The following MYOCD variants were observed in gnomAD, a reference collection of about 807,000 sequenced individuals.
The protein encoded by MYOCD is myocardin.
MYOCD carries 32 observed loss-of-function variants against 96.1 expected under a neutral mutation model. That is an observed-to-expected ratio of 0.33 (90% confidence interval 0.25 to 0.45). The LOEUF (loss-of-function observed/expected upper bound fraction) is 0.45. MYOCD is among the 20% of genes least tolerant of loss of function. The probability of loss-of-function intolerance (pLI) is 1.00; values close to 1 mark genes in which losing one functional copy is unlikely to be tolerated. For synonymous variants in MYOCD, 469 were observed against 469.0 expected, an observed-to-expected ratio of 1.00 and a Z score of 0.00; for missense variants, 1,133 against 1,200.6, an observed-to-expected ratio of 0.94 and a Z score of 0.83.
At chr17:12,721,021 TA>T (rs760458241) in intron 4 of MYOCD, among the ~76,000 whole-genome samples, 1,327 of 107,544 alleles carry the variant, frequency 0.012, 10 homozygotes, top group African/African-American at 0.035. Flanking sequence ...GACTCTGTCT[TA>T]AAAAAAAAAA....
chr17:12,708,480 G>A (rs1009238017), intron 2 of MYOCD, among the ~76,000 whole-genome samples: 16 of 151,574 alleles, frequency 1.1e-4, no homozygotes, highest in South Asian at 4.2e-4. Flanking sequence ...TGCAACCTCC[G>A]TCTCCCAGGT....
At chr17:12,679,669 C>T (rs1218230359) in intron 1 of MYOCD, among the ~76,000 whole-genome samples, 5 of 151,492 alleles carry the variant, frequency 3.3e-5, no homozygotes, top group East Asian at 1.9e-4. Context: ...ACAGTAACAC[C>T]GAGGGAAAAA....
intron 1 of MYOCD, among the ~76,000 whole-genome samples, chr17:12,687,185 A>T (rs2030166428): frequency 6.6e-6 from 1 of 151,940 alleles, no homozygotes; most frequent in African/African-American, 2.4e-5. Flanking sequence ...TCCGTGTAAG[A>T]TTTTTAGCTA....
At chr17:12,696,253 C>A (rs533880982) in intron 1 of MYOCD, among the ~76,000 whole-genome samples, 1 of 152,176 alleles carries the variant, frequency 6.6e-6, no homozygotes, top group South Asian at 2.1e-4. Flanking sequence ...GCTGGGATTA[C>A]AAGTGTGAGC....
chr17:12,698,113 G>A (rs577885409), intron 1 of MYOCD, among the ~76,000 whole-genome samples: 15 of 152,276 alleles, frequency 9.9e-5, no homozygotes, highest in Admixed American at 1.3e-4. Flanking sequence ...AGGAGCCACC[G>A]CAAGATGCTA....
intron 2 of MYOCD, among the ~76,000 whole-genome samples, chr17:12,708,353 T>C (rs1338657066): frequency 6.6e-6 from 1 of 152,196 alleles, no homozygotes; most frequent in East Asian, 1.9e-4. Context: ...AAACTCAAAG[T>C]TGATGGCCAA....
At chr17:12,715,459 G>A in intron 2 of MYOCD, 60 bp from the exon 3 acceptor site, 2 of 1,471,176 alleles carry the variant, frequency 1.4e-6, no homozygotes, top group Non-Finnish European at 1.9e-6. Flanking sequence ...AGCAAACTCT[G>A]CGATACAGAC....
intron 13 of MYOCD, chr17:12,761,603 A>ACG (rs942061003): frequency 7.1e-6 from 1 of 140,736 alleles, no homozygotes; most frequent in Non-Finnish European, 1.6e-5. Flanking sequence ...ACACACACAC[A>ACG]CACACACACA....
intron 4 of MYOCD, chr17:12,720,249 A>G (rs1006788910): frequency 2.6e-5 from 4 of 152,008 alleles, no homozygotes; most frequent in African/African-American, 9.7e-5. Context: ...ATCCCCTGGG[A>G]CCTATGTAAA....
At chr17:12,694,342 G>A (rs2030633796) in intron 1 of MYOCD, among the ~76,000 whole-genome samples, 1 of 152,126 alleles carries the variant, frequency 6.6e-6, no homozygotes, top group African/African-American at 2.4e-5. Context: ...AGGCCAGTGG[G>A]GCAAGGTTTC....
rs573591978 is a variant in MYOCD at position 12,743,641 on chromosome 17, T to G, written c.718-542T>G. On this transcript the variant is annotated intron_variant, in intron 7 of 13. Coordinates refer to ENST00000425538, the MANE Select transcript of MYOCD (RefSeq NM_001146312.3). ...CCGAGTAGCTGGGATTACAGGCGCCTGACACCACACCTGGCTACTTTTTGT... is the reference window on the plus strand; with the variant it reads ...CCGAGTAGCTGGGATTACAGGCGCCGGACACCACACCTGGCTACTTTTTGT... 2.6e-5 allele frequency among the ~76,000 whole-genome samples: 4 copies of G among 152,010 alleles called. No homozygotes were observed. In the East Asian group the frequency reaches 5.8e-4, roughly 22 times the overall value.
At chr17:12,725,490 A>G (rs566876521) in intron 5 of MYOCD, among the ~76,000 whole-genome samples, 103 of 148,528 alleles carry the variant, frequency 6.9e-4, no homozygotes, top group African/African-American at 2.2e-3. Flanking sequence ...CAAAATATCT[A>G]TATCATATAG....
In MYOCD at chr17:12,697,212, A is replaced by G. The variant is rs572017570; in HGVS notation, c.56-7916A>G. On this transcript the variant is annotated intron_variant, in intron 1 of 13. Coordinates refer to ENST00000425538, the MANE Select transcript of MYOCD (RefSeq NM_001146312.3). ...TGGAGGGCTCTTGGCACAGCTTTCA[A>G]TTCCTCACTTGCAGATCTTAGAACT... 2.6e-5 allele frequency among the ~76,000 whole-genome samples: 4 copies of G among 151,576 alleles called. No individual in the cohort carries two copies. In the South Asian group the frequency reaches 8.4e-4, roughly 32 times the overall value.
chr17:12,744,374 C>A lies in MYOCD; in HGVS notation c.909C>A (p.Ser303Arg). The change falls in exon 8 of 14, where the codon AGC becomes AGA. Residue 303 changes from serine to arginine, a missense_variant. Ser to Arg is a moderately radical substitution (Grantham distance 110). Coordinates refer to ENST00000425538, the MANE Select transcript of MYOCD (RefSeq NM_001146312.3). ...QQLFLQLQIL[S>R]QQQQQQQHRF... ...TGTTCCTGCAGCTCCAAATCCTCAG[C>A]CAGCAGCAGCAGCAGCAGCAACACC... The A allele has an allele frequency of 6.2e-7, 1 of 1,611,234 alleles. No homozygotes were observed. Among genetic ancestry groups the A allele is most frequent in the Non-Finnish European group, 8.5e-7 (1 of 1,177,714 alleles).
At chr17:12,678,126 C>T (rs534196550) in intron 1 of MYOCD, among the ~76,000 whole-genome samples, 6 of 151,866 alleles carry the variant, frequency 4.0e-5, no homozygotes, top group African/African-American at 9.6e-5. Context: ...CTCCTGACCT[C>T]GTGATTTGCC....
At chr17:12,701,233 G>A (rs900475624) in intron 1 of MYOCD, among the ~76,000 whole-genome samples, 4 of 151,998 alleles carry the variant, frequency 2.6e-5, no homozygotes, top group South Asian at 2.1e-4. Flanking sequence ...CCAACATGGC[G>A]AAACCTCGTC....
chr17:12,673,057 G>C (rs1314686022), intron 1 of MYOCD, among the ~76,000 whole-genome samples: 1 of 152,036 alleles, frequency 6.6e-6, no homozygotes, highest in Non-Finnish European at 1.5e-5. Flanking sequence ...TTTCACAGAT[G>C]ATGTGAAATG....
In MYOCD at chr17:12,752,745, C is replaced by T. The variant is rs868390017; in HGVS notation, c.1457C>T (p.Pro486Leu). ...GCCTCCCCCTCCTTCGGCCTGCACC[C>T]GTCCCCAGTCCACGTGTGCACGGAG... ...NDASPSFGLH[P>L]SPVHVCTEES... The change falls in exon 10 of 14, where the codon CCG becomes CTG. Residue 486 changes from proline (P) to leucine (L), a missense_variant. Transcript: ENST00000425538. 3 of 1,614,168 alleles carry T rather than the reference C, an allele frequency of 1.9e-6. No homozygotes were observed. The highest frequency in any genetic ancestry group is 2.5e-6 in the Non-Finnish European group (3 of 1,180,036).
At chr17:12,755,586 CA>C (rs2032988809) in intron 10 of MYOCD, among the ~76,000 whole-genome samples, 2 of 151,822 alleles carry the variant, frequency 1.3e-5, no homozygotes, top group Admixed American at 1.3e-4. Flanking sequence ...ACTAAAAATA[CA>C]AAAATTAGGC....
Sources: gnomAD v4.1 joint callset for allele counts (sites outside exome capture counted in the v4.1 genomes callset) on GRCh38, gnomAD v4.1.1 for gene constraint, MANE v1.5 for transcripts, NCBI Gene and HGNC (gene_info 2026-07-23, HGNC 2026-07-21) for gene names.